Variants in NTN1 observed in about 807,000 individuals in gnomAD.
NTN1 encodes netrin 1.
Under a neutral mutation model 54.2 loss-of-function variants are expected in NTN1, and 11 were observed. The observed-to-expected ratio is 0.20, with a 90% CI of 0.13 to 0.34. The LOEUF is 0.34. Among genes scored for constraint, NTN1 ranks in the 10% least tolerant of loss-of-function variants. The pLI is 1.00. For missense variants in NTN1, 740 were observed against 893.1 expected, an observed-to-expected ratio of 0.83 and a Z score of 2.18; for synonymous variants, 371 against 382.0, an observed-to-expected ratio of 0.97 and a Z score of 0.33.
chr17:9,007,715 C>CCTTTCTTT, the NTN1 span, among the ~76,000 whole-genome samples: 1 of 150,028 alleles, frequency 6.7e-6, no homozygotes, highest in South Asian at 2.1e-4. Context: ...TTTCTTCCCT[C>CCTTTCTTT]CTTTCTTTCT....
chr17:9,046,143 G>A (rs529074246), intron 2 of NTN1, among the ~76,000 whole-genome samples: 7 of 152,336 alleles, frequency 4.6e-5, no homozygotes, highest in African/African-American at 1.2e-4. Flanking sequence ...TGTAAATCAC[G>A]TGTGATGAAG....
At position 9,162,829 on chromosome 17, in the gene NTN1, G is replaced by C. The variant is rs576108072; in HGVS notation, c.1035G>C (p.Leu345=). 4 of 1,612,662 alleles carry C rather than the reference G, an allele frequency of 2.5e-6. No homozygotes were observed. In the East Asian group the frequency reaches 8.9e-5, roughly 36 times the overall value. ...CCCCTGCAGCCTGTAACTGCAACCT[G>C]CATGCCCGGCGCTGCCGCTTCAACA... ...ANECVACNCN[L]HARRCRFNME... is the part of the protein sequence containing the mutation. Residue 345 remains leucine, a synonymous_variant, in exon 3 of 7, where the codon CTG becomes CTC. Transcript: ENST00000173229.
chr17:9,006,604 G>A, the NTN1 span, among the ~76,000 whole-genome samples: 10 of 152,180 alleles, frequency 6.6e-5, no homozygotes, highest in African/African-American at 1.4e-4. Context: ...CCAACATGAC[G>A]TGCAACATGA....
rs541881490 is a variant in NTN1 at position 9,113,615 on chromosome 17, G to A, written c.1019-49198G>A. ...TATTGCAGGAAGACACTTTCTTTGTGCAATCCAAGCAGACTTTGCTCAGGA... is the reference window on the plus strand; with the variant it reads ...TATTGCAGGAAGACACTTTCTTTGTACAATCCAAGCAGACTTTGCTCAGGA... On this transcript the variant is annotated intron_variant, in intron 2 of 6. Transcript: ENST00000173229. Among the ~76,000 whole-genome samples the A allele has an allele frequency of 1.8e-4, 27 of 152,196 alleles. 1 individual carries two copies. In the South Asian group the frequency reaches 5.6e-3, roughly 32 times the overall value.
chr17:9,150,410 A>T (rs1476204814), intron 2 of NTN1, among the ~76,000 whole-genome samples: 3 of 152,212 alleles, frequency 2.0e-5, no homozygotes, highest in Admixed American at 2.0e-4. Flanking sequence ...TTGGAGGTGG[A>T]GAAGGCGTAG....
At chr17:9,023,518 C>G in intron 2 of NTN1, 127 bp downstream of exon 2, 8 of 1,169,890 alleles carry the variant, frequency 6.8e-6, no homozygotes, top group Non-Finnish European at 8.8e-6. Context: ...CGCCGATGCC[C>G]GGGACCCGGG....
chr17:9,051,952 G>A (rs1472984761), intron 2 of NTN1, among the ~76,000 whole-genome samples: 2 of 151,700 alleles, frequency 1.3e-5, no homozygotes. Flanking sequence ...TGTGACCAAA[G>A]ACACGTTTGG....
intron 5 of NTN1, among the ~76,000 whole-genome samples, chr17:9,202,671 T>TA (rs944567961): frequency 8.6e-5 from 13 of 151,774 alleles, no homozygotes; most frequent in East Asian, 1.9e-4. Flanking sequence ...CACAAAACTG[T>TA]AAAAAAAAAT....
chr17:9,162,196 C>T (rs113832304), intron 2 of NTN1, among the ~76,000 whole-genome samples: 5 of 152,016 alleles, frequency 3.3e-5, no homozygotes, highest in South Asian at 2.1e-4. Context: ...CCTCGGTGGA[C>T]GAGGGGGAGG....
chr17:9,049,254 A>G (rs115671263), intron 2 of NTN1, among the ~76,000 whole-genome samples: 1,529 of 152,358 alleles, frequency 0.01, 27 homozygotes, highest in African/African-American at 0.032. Flanking sequence ...AATATGATGA[A>G]AAATAGAATA....
intron 3 of NTN1, chr17:9,174,600 G>C (rs1460282687): frequency 2.0e-5 from 3 of 152,244 alleles, no homozygotes; most frequent in Admixed American, 6.5e-5. Flanking sequence ...TCTTCACAGG[G>C]TCTTTCCACT....
At chr17:9,231,544 C>A (rs139813232) in intron 6 of NTN1, among the ~76,000 whole-genome samples, 1 of 152,202 alleles carries the variant, frequency 6.6e-6, no homozygotes, top group Non-Finnish European at 1.5e-5. Context: ...TAACCCCACA[C>A]GGGACAGGGC....
chr17:9,045,028 G>C (rs1460107511), intron 2 of NTN1, among the ~76,000 whole-genome samples: 1 of 152,218 alleles, frequency 6.6e-6, no homozygotes, highest in Non-Finnish European at 1.5e-5. Context: ...GTACACAGGG[G>C]AAGTTGGCCT....
At chr17:9,138,209 C>T (rs890210623) in intron 2 of NTN1, among the ~76,000 whole-genome samples, 17 of 152,296 alleles carry the variant, frequency 1.1e-4, no homozygotes, top group African/African-American at 3.6e-4. Context: ...TGGATCATTG[C>T]GCAGCATTTC....
chr17:9,044,160 G>C (rs935586602), intron 2 of NTN1, among the ~76,000 whole-genome samples: 1 of 151,302 alleles, frequency 6.6e-6, no homozygotes, highest in Admixed American at 6.6e-5. Context: ...TTATGAATTG[G>C]GTTTTCATCT....
chr17:9,210,440 ACACC>A (rs1462083535), intron 5 of NTN1, among the ~76,000 whole-genome samples: 2 of 72,430 alleles, frequency 2.8e-5, no homozygotes, highest in African/African-American at 1.5e-4. Flanking sequence ...ACACACCCCC[ACACC>A]CACACACACA....
intron 3 of NTN1, chr17:9,175,229 C>T (rs1229714065): frequency 1.3e-5 from 2 of 152,210 alleles, no homozygotes; most frequent in Non-Finnish European, 2.9e-5. Flanking sequence ...TACTTGGGCA[C>T]AAGAAACTGA....
intron 2 of NTN1, among the ~76,000 whole-genome samples, chr17:9,044,255 G>T (rs1291708862): frequency 1.3e-5 from 2 of 150,432 alleles, no homozygotes; most frequent in South Asian, 4.2e-4. Flanking sequence ...TCCTTTTTGG[G>T]GCGGAGTCTC....
At chr17:9,092,988 G>A (rs2092117762) in intron 2 of NTN1, among the ~76,000 whole-genome samples, 1 of 152,130 alleles carries the variant, frequency 6.6e-6, no homozygotes, top group Non-Finnish European at 1.5e-5. Context: ...TCGATCTCCT[G>A]CCCTTGTGAT....
Sources: gnomAD v4.1 joint callset for allele counts (sites outside exome capture counted in the v4.1 genomes callset) on GRCh38, gnomAD v4.1.1 for gene constraint, MANE v1.5 for transcripts, NCBI Gene and HGNC (gene_info 2026-07-23, HGNC 2026-07-21) for gene names.